Variants in ADGRV1 observed in about 807,000 individuals in gnomAD.
ADGRV1 encodes the protein adhesion G protein-coupled receptor V1.
ADGRV1 carries 359 observed loss-of-function variants against 596.2 expected under a neutral mutation model. The observed-to-expected ratio is 0.60, with a 90% CI of 0.55 to 0.66. The LOEUF (loss-of-function observed/expected upper bound fraction) is 0.66, where lower values mean the gene tolerates loss of function less well. Among genes scored for constraint, ADGRV1 ranks in the 30% least tolerant of loss-of-function variants. ADGRV1 has a pLI of 0.00. For synonymous variants in ADGRV1, 2,681 were observed against 2,679.2 expected (o/e 1.00, Z -0.02); for missense variants, 7,274 against 7,575.6 (o/e 0.96, Z 1.48).
At chr5:91,153,472 A>T (rs1244460712) in intron 89 of ADGRV1, 74 bp downstream of exon 89, 3 of 1,100,480 alleles carry the variant, frequency 2.7e-6, no homozygotes, top group Non-Finnish European at 3.8e-6. Flanking sequence ...TCTTTCCATG[A>T]AGTTGCAAAG....
At chr5:90,955,159 T>A (rs1407824781) in intron 83 of ADGRV1, among the ~76,000 whole-genome samples, 1 of 152,160 alleles carries the variant, frequency 6.6e-6, no homozygotes, top group African/African-American at 2.4e-5. Flanking sequence ...CACTTTGATC[T>A]TGGACTTTCC....
chr5:90,778,655 G>T, intron 63 of ADGRV1, 46 bp downstream of exon 63: 1 of 1,402,230 alleles, frequency 7.1e-7, no homozygotes, highest in Non-Finnish European at 9.5e-7. Context: ...TTTATTTTTA[G>T]ATATGAAAAT....
At chr5:90,851,118 TGTGTGTGTGTGTGTGTGAGA>T (rs1440457002) in intron 79 of ADGRV1, among the ~76,000 whole-genome samples, 2 of 98,602 alleles carry the variant, frequency 2.0e-5, no homozygotes, top group Non-Finnish European at 2.1e-5. Flanking sequence ...TGTGTGTGTG[TGTGTGTGTGTGTGTGTGAGA>T]GAGAGAGAGA....
chr5:90,867,513 A>G (rs1768243587), intron 83 of ADGRV1, among the ~76,000 whole-genome samples: 1 of 152,138 alleles, frequency 6.6e-6, no homozygotes, highest in Non-Finnish European at 1.5e-5. Flanking sequence ...TCCTACTCAG[A>G]CACCCTTGCG....
intron 63 of ADGRV1, 57 bp downstream of exon 63, chr5:90,778,666 G>A: frequency 7.4e-7 from 1 of 1,359,810 alleles, no homozygotes; most frequent in East Asian, 2.6e-5. Flanking sequence ...ATATGAAAAT[G>A]TTTTCTTGTT....
chr5:90,925,448 A>G (rs1319576224), intron 83 of ADGRV1, among the ~76,000 whole-genome samples: 3 of 152,158 alleles, frequency 2.0e-5, no homozygotes, highest in African/African-American at 2.4e-5. Flanking sequence ...TTATTGGTGT[A>G]TAAGAGTGCT....
At chr5:91,071,929 G>A (rs770381016) in intron 85 of ADGRV1, among the ~76,000 whole-genome samples, 5 of 151,988 alleles carry the variant, frequency 3.3e-5, no homozygotes, top group East Asian at 1.9e-4. Context: ...TGCCTGCCTC[G>A]GCCTCCCAAA....
chr5:91,059,605 G>C (rs1787217041), intron 85 of ADGRV1, among the ~76,000 whole-genome samples: 1 of 152,162 alleles, frequency 6.6e-6, no homozygotes, highest in South Asian at 2.1e-4. Context: ...ACATATGTAT[G>C]ATCTAATTCT....
chr5:91,044,210 T>A (rs760332853), intron 85 of ADGRV1, among the ~76,000 whole-genome samples: 2 of 152,168 alleles, frequency 1.3e-5, no homozygotes, highest in Admixed American at 6.5e-5. Context: ...TTGCACTGAA[T>A]TGAACACTAA....
rs2150062192 is a variant in ADGRV1, at chr5:90,774,126, A to G, written c.12286-60A>G. ...CATAAACGTTATTCTGCTAATGACA[A>G]CATTCAAACTTTGGCTTTGGTCAAT... On this transcript the variant is annotated intron_variant, in intron 59 of 89. Coordinates refer to ENST00000405460, the MANE Select transcript of ADGRV1 (RefSeq NM_032119.4). The G allele has an allele frequency of 4.9e-6, 4 of 823,202 alleles. No individual in the cohort carries two copies. The South Asian group carries it at 6.0e-5, about 12-fold the overall frequency. 51.0% of individuals were successfully genotyped at this position (823,202 alleles called of 1,614,324 possible).
chr5:90,953,532 A>T (rs1299880527), intron 83 of ADGRV1, among the ~76,000 whole-genome samples: 3 of 152,050 alleles, frequency 2.0e-5, no homozygotes, highest in Non-Finnish European at 4.4e-5. Context: ...TATTTTTATC[A>T]GTTTGCGAGT....
At chr5:90,984,128 A>T (rs996199046) in intron 84 of ADGRV1, among the ~76,000 whole-genome samples, 1 of 152,188 alleles carries the variant, frequency 6.6e-6, no homozygotes, top group African/African-American at 2.4e-5. Context: ...TATACATGCA[A>T]CTGAGGCTCT....
chr5:91,047,506 G>C (rs972567916), intron 85 of ADGRV1, among the ~76,000 whole-genome samples: 1 of 152,154 alleles, frequency 6.6e-6, no homozygotes, highest in Non-Finnish European at 1.5e-5. Flanking sequence ...AGGCTCGGAG[G>C]CTAAGCCAGT....
At chr5:90,819,779 GA>G (rs1393606332) in intron 75 of ADGRV1, among the ~76,000 whole-genome samples, 1 of 152,156 alleles carries the variant, frequency 6.6e-6, no homozygotes, top group Non-Finnish European at 1.5e-5. Context: ...TGGTCTGAGA[GA>G]TAGTTTGTTA....
rs984951360 is a variant in ADGRV1 at position 91,049,082 on chromosome 5, C to A, written c.18153-23365C>A. ...TTTTCCTTAAAAAAAAAAAATAAAC[C>A]AAGACCACTGAACTGAACCAATTGA... On this transcript the variant is annotated intron_variant, in intron 85 of 89. Coordinates refer to ENST00000405460, the MANE Select transcript of ADGRV1 (RefSeq NM_032119.4). Among the ~76,000 whole-genome samples, 4 of 151,344 alleles carry A rather than the reference C, an allele frequency of 2.6e-5. No individual in the cohort carries two copies. In the East Asian group the frequency reaches 7.7e-4, roughly 29 times the overall value.
chr5:90,634,509 T>C (rs994850363), intron 9 of ADGRV1, among the ~76,000 whole-genome samples: 1 of 152,202 alleles, frequency 6.6e-6, no homozygotes, highest in African/African-American at 2.4e-5. Context: ...AATGTAAAGA[T>C]GCATGAAGTT....
chr5:90,683,702 G>C lies in ADGRV1; in HGVS notation c.5781G>C (p.Thr1927=). ...SGNITFEIGQ[T]SANITVEILP... ...ACATCACATTTGAGATTGGGCAGAC[G>C]AGCGCCAATATCACTGTGGAGATAT... Residue 1927 remains threonine, a synonymous_variant, in exon 28 of 90, where the codon ACG becomes ACC. Transcript: ENST00000405460. The C allele has an allele frequency of 1.9e-6, 3 of 1,613,876 alleles. No homozygotes were observed. Among genetic ancestry groups the C allele is most frequent in the Middle Eastern group, 1.6e-4 (1 of 6,062 alleles).
At position 90,781,527 on chromosome 5, in the gene ADGRV1, G is replaced by T; in HGVS notation, c.13180G>T (p.Asp4394Tyr). ...SIVRIIIMKN[D>Y]NAEGIIEFDP... ...TGTTCGCATCATAATAATGAAAAAT[G>T]ATAACGCAGAAGGCATCATTGAATT... Residue 4394 changes from aspartate to tyrosine, a missense_variant, in exon 65 of 90, where the codon GAT becomes TAT. Physicochemically the swap from Asp to Tyr is radical, Grantham distance 160 (BLOSUM62 -3). This residue lies in a region of ADGRV1 where 3,643 missense variants were observed against 3,809.2 expected (regional missense o/e 0.96). Coordinates refer to ENST00000405460, the MANE Select transcript of ADGRV1 (RefSeq NM_032119.4). 6.2e-7 allele frequency: 1 copy of T among 1,611,638 alleles called. No homozygotes were observed. Among genetic ancestry groups the T allele is most frequent in the Non-Finnish European group, 8.5e-7 (1 of 1,178,696 alleles).
intron 85 of ADGRV1, among the ~76,000 whole-genome samples, chr5:90,996,884 G>A (rs1388544571): frequency 3.9e-5 from 6 of 152,158 alleles, no homozygotes; most frequent in African/African-American, 1.4e-4. Context: ...CTGCCCTGCT[G>A]GGTTTTGGAT....
Sources: allele counts gnomAD v4.1 joint callset (sites outside exome capture counted in the v4.1 genomes callset), GRCh38; gene constraint gnomAD v4.1.1; regional missense constraint gnomAD v4.1.1; transcripts MANE v1.5; gene names NCBI Gene and HGNC (gene_info 2026-07-23, HGNC 2026-07-21).